CIT: variants seen among roughly 807,000 people sequenced by gnomAD.
CIT encodes citron Rho-interacting kinase.
CIT carries 79 observed loss-of-function variants against 272.7 expected under a neutral mutation model. The observed-to-expected ratio is 0.29, with a 90% CI of 0.24 to 0.35. The LOEUF is 0.35. Among genes scored for constraint, CIT ranks in the 10% least tolerant of loss-of-function variants. The pLI is 1.00. For synonymous variants in CIT, 948 were observed against 995.6 expected, an observed-to-expected ratio of 0.95 and a Z score of 0.90; for missense variants, 1,909 against 2,618.3, an observed-to-expected ratio of 0.73 and a Z score of 5.91.
chr12:119,730,104 A>G (rs1958354742), intron 27 of CIT, among the ~76,000 whole-genome samples: 1 of 152,330 alleles, frequency 6.6e-6, no homozygotes, highest in East Asian at 1.9e-4. Flanking sequence ...GCTGCCTATT[A>G]CTGCAGCAAT....
At chr12:119,762,953 G>A (rs1368807246) in intron 19 of CIT, among the ~76,000 whole-genome samples, 1 of 152,166 alleles carries the variant, frequency 6.6e-6, no homozygotes, top group African/African-American at 2.4e-5. Flanking sequence ...GGATAAGATG[G>A]GAGGATTGCT....
chr12:119,723,619 G>A (rs1957925089), intron 28 of CIT, among the ~76,000 whole-genome samples: 1 of 152,134 alleles, frequency 6.6e-6, no homozygotes, highest in Non-Finnish European at 1.5e-5. Context: ...AAAGGGCCTG[G>A]ATGATAGAAC....
At chr12:119,853,659 C>A (rs10774518) in intron 4 of CIT, among the ~76,000 whole-genome samples, 31,097 of 152,056 alleles carry the variant, frequency 0.2, 3,382 homozygotes, top group East Asian at 0.38. Context: ...AGATTTAACA[C>A]TACCAGGGAT....
At chr12:119,774,286 G>GT (rs961325069) in intron 16 of CIT, among the ~76,000 whole-genome samples, 3,761 of 146,658 alleles carry the variant, frequency 0.026, 117 homozygotes, top group Admixed American at 0.066. Context: ...ATGTTATGTG[G>GT]TTTTTTTTTT....
intron 4 of CIT, among the ~76,000 whole-genome samples, chr12:119,852,124 A>C (rs1358729998): frequency 6.6e-6 from 1 of 152,230 alleles, no homozygotes; most frequent in Non-Finnish European, 1.5e-5. Context: ...TCAAGTGATC[A>C]AAGTGAGCAT....
At chr12:119,698,914 C>G (rs1270650973) in intron 44 of CIT, among the ~76,000 whole-genome samples, 1 of 152,074 alleles carries the variant, frequency 6.6e-6, no homozygotes, top group Admixed American at 6.6e-5. Flanking sequence ...CATTGTATAC[C>G]TTTTAAAACT....
At chr12:119,873,268 CT>C (rs59861360) in intron 2 of CIT, among the ~76,000 whole-genome samples, 2,679 of 136,864 alleles carry the variant, frequency 0.02, 13 homozygotes, top group East Asian at 0.038. Flanking sequence ...TTTTCCTTTT[CT>C]TTTTTTTTTT....
chr12:119,768,330 G>A lies in CIT; in HGVS notation c.2209-1148C>T, dbSNP rs541994826. Reference sequence around the variant, plus strand: ...CAATTCACTAAAACATTCTGTAAATGCACAGCTGCATCTATATTAATTCTT... The same window carrying A: ...CAATTCACTAAAACATTCTGTAAATACACAGCTGCATCTATATTAATTCTT... On this transcript the variant is annotated intron_variant, in intron 18 of 47. Coordinates refer to ENST00000392521, the MANE Select transcript of CIT (RefSeq NM_001206999.2). The surrounding 1 kb of genome is among the most constrained non-coding windows in gnomAD (Gnocchi z 4.3). Among the ~76,000 whole-genome samples, 2 of 152,298 alleles carry A rather than the reference G, an allele frequency of 1.3e-5. No homozygotes were observed. The highest frequency in any genetic ancestry group is 2.1e-4 in the South Asian group (1 of 4,826).
At position 119,782,596 on chromosome 12, in the gene CIT, G is replaced by A. The variant is rs751193370; in HGVS notation, c.1587C>T (p.Ser529=). The A allele has an allele frequency of 1.9e-6, 3 of 1,614,074 alleles. No individual in the cohort carries two copies. Among genetic ancestry groups the A allele is most frequent in the Admixed American group, 1.7e-5 (1 of 60,008 alleles). ...RSLEQARMEV[S]QEDDKALQLL... is the part of the protein sequence containing the mutation. ...GCTGCAGTGCTTTGTCATCCTCCTG[G>A]GACACCTCCATCCGTGCTTGCTCCA... The change falls in exon 13 of 48, where the codon TCC becomes TCT. Residue 529 remains serine, a synonymous_variant. Coordinates refer to ENST00000392521, the MANE Select transcript of CIT (RefSeq NM_001206999.2).
chr12:119,793,662 G>C (rs1463913704), intron 10 of CIT, among the ~76,000 whole-genome samples: 1 of 152,158 alleles, frequency 6.6e-6, no homozygotes, highest in African/African-American at 2.4e-5. Context: ...CAGCCTCAGG[G>C]CCTTTGCCCT....
chr12:119,860,117 C>T (rs1950292810), intron 3 of CIT, among the ~76,000 whole-genome samples: 1 of 152,178 alleles, frequency 6.6e-6, no homozygotes, highest in Non-Finnish European at 1.5e-5. Flanking sequence ...CGCACTCAGC[C>T]TGCAACTGTA....
chr12:119,753,818 A>C (rs534299623), intron 22 of CIT, among the ~76,000 whole-genome samples: 1 of 152,310 alleles, frequency 6.6e-6, no homozygotes, highest in African/African-American at 2.4e-5. Flanking sequence ...TTGCTATGAC[A>C]GAATAGGAGA....
At position 119,857,645 on chromosome 12, in the gene CIT, C is replaced by G; in HGVS notation, c.292G>C (p.Glu98Gln). Residue 98 changes from glutamate to glutamine, a missense_variant, in exon 4 of 48, where the codon GAA becomes CAA. Transcript: ENST00000392521. ...QELQPSAKDF[E>Q]VRSLVGCGHF... ...CCACAACCTACAAGACTTCTGACTT[C>G]GAAGTCCTTTGCCGAAGGCTGGAGC... 2 of 1,614,126 alleles carry G rather than the reference C, an allele frequency of 1.2e-6. No individual in the cohort carries two copies. The highest frequency in any genetic ancestry group is 1.7e-6 in the Non-Finnish European group (2 of 1,180,036).
chr12:119,836,846 A>G (rs1969054477), intron 5 of CIT, among the ~76,000 whole-genome samples: 1 of 152,256 alleles, frequency 6.6e-6, no homozygotes, highest in Non-Finnish European at 1.5e-5. Flanking sequence ...AATGACCAGT[A>G]AAATAGTTCA....
intron 7 of CIT, among the ~76,000 whole-genome samples, chr12:119,828,827 C>G (rs185320990): frequency 6.6e-6 from 1 of 152,294 alleles, no homozygotes; most frequent in African/African-American, 2.4e-5. Flanking sequence ...CTCGGCCTCC[C>G]AAAGTGCTGG....
intron 26 of CIT, among the ~76,000 whole-genome samples, chr12:119,732,996 T>C (rs1168993091): frequency 6.6e-6 from 1 of 152,186 alleles, no homozygotes; most frequent in Non-Finnish European, 1.5e-5. Context: ...CGTACCAATT[T>C]TGTCAGAAAG....
chr12:119,795,053 T>G (rs1180630917), intron 10 of CIT, among the ~76,000 whole-genome samples: 1 of 152,036 alleles, frequency 6.6e-6, no homozygotes, highest in East Asian at 1.9e-4. Context: ...CTACAGTCAG[T>G]CCCAAAAAAA....
chr12:119,769,546 C>T (rs1161815811), intron 18 of CIT, among the ~76,000 whole-genome samples: 1 of 152,172 alleles, frequency 6.6e-6, no homozygotes, highest in East Asian at 1.9e-4. Context: ...GAGTTAACCA[C>T]TCCGTTTATA....
chr12:119,821,324 A>G (rs1006296687), intron 9 of CIT, among the ~76,000 whole-genome samples: 1 of 152,160 alleles, frequency 6.6e-6, no homozygotes, highest in African/African-American at 2.4e-5. Context: ...TTTTTAAAGC[A>G]AATACATTTT....
Sources: gnomAD v4.1 joint callset for allele counts (sites outside exome capture counted in the v4.1 genomes callset) on GRCh38, gnomAD v4.1.1 for gene constraint, Gnocchi (gnomAD v3.1) non-coding constraint, MANE v1.5 for transcripts, NCBI Gene and HGNC (gene_info 2026-07-23, HGNC 2026-07-21) for gene names.